The following GRHL2 variants were observed in gnomAD, a reference collection of about 807,000 sequenced individuals.
GRHL2 encodes grainyhead-like protein 2 homolog.
Under a neutral mutation model 83.8 loss-of-function variants are expected in GRHL2, and 21 were observed. The observed-to-expected ratio is 0.25, with a 90% CI of 0.18 to 0.36. GRHL2 has a LOEUF of 0.36. Ranked by LOEUF, GRHL2 falls within the 10% of genes least tolerant of loss-of-function variation. The probability of loss-of-function intolerance (pLI) is 1.00; values close to 1 mark genes in which losing one functional copy is unlikely to be tolerated. For missense variants in GRHL2, 623 were observed against 781.8 expected, an observed-to-expected ratio of 0.80 and a Z score of 2.42; for synonymous variants, 280 against 278.9, an observed-to-expected ratio of 1.00 and a Z score of -0.04.
At chr8:101,563,158 T>C (rs1443396428) in intron 4 of GRHL2, among the ~76,000 whole-genome samples, 1 of 152,172 alleles carries the variant, frequency 6.6e-6, no homozygotes, top group Non-Finnish European at 1.5e-5. Flanking sequence ...AGCATAAGTA[T>C]GCTCATGGTT....
chr8:101,618,172 G>A (rs1812892575), intron 8 of GRHL2, among the ~76,000 whole-genome samples: 1 of 152,016 alleles, frequency 6.6e-6, no homozygotes, highest in Non-Finnish European at 1.5e-5. Context: ...CCTCAATTCC[G>A]TGATAAATCA....
rs186255390 is a variant in GRHL2 at position 101,643,458 on chromosome 8, C to T, written c.1518-673C>T. On this transcript the variant is annotated intron_variant, in intron 12 of 15. Transcript: ENST00000646743. ...AGGACAGTGACTGTGGGAGGAAATG[C>T]AGAAACATCAGAACCAGCCGAGCTG... Among the ~76,000 whole-genome samples, 438 of 150,328 alleles carry T rather than the reference C, an allele frequency of 2.9e-3. 4 individuals carry two copies. The highest frequency in any genetic ancestry group is 5.3e-4 in the Non-Finnish European group (36 of 67,796).
chr8:101,535,687 C>T (rs1811030774), intron 1 of GRHL2, among the ~76,000 whole-genome samples: 1 of 152,000 alleles, frequency 6.6e-6, no homozygotes, highest in Non-Finnish European at 1.5e-5. Context: ...TACAGGCGCG[C>T]ACCACCACAC....
At chr8:101,516,415 T>C (rs1205568331) in intron 1 of GRHL2, among the ~76,000 whole-genome samples, 1 of 141,626 alleles carries the variant, frequency 7.1e-6, no homozygotes, top group African/African-American at 2.7e-5. Flanking sequence ...TTTTCCTTTT[T>C]TTTTTTTTTT....
intron 14 of GRHL2, among the ~76,000 whole-genome samples, chr8:101,650,395 A>C (rs1287271458): frequency 6.6e-6 from 1 of 152,100 alleles, no homozygotes; most frequent in African/African-American, 2.4e-5. Context: ...AATATACCAC[A>C]TTTTGTATTT....
chr8:101,573,659 C>G lies in GRHL2; in HGVS notation c.735-9C>G, dbSNP rs1275626544. The G allele has an allele frequency of 1.9e-6, 3 of 1,614,176 alleles. No individual in the cohort carries two copies. In the East Asian group the frequency reaches 6.7e-5, roughly 36 times the overall value. On this transcript the variant is annotated splice_polypyrimidine_tract_variant and intron_variant, in intron 5 of 15. Coordinates refer to ENST00000646743, the MANE Select transcript of GRHL2 (RefSeq NM_024915.4). Reference sequence around the variant, plus strand: ...AGTGGATCTGACCGCTGTTTGTTTTCTTTCACAGTGGCACATTTCAGTACA... The same window carrying G: ...AGTGGATCTGACCGCTGTTTGTTTTGTTTCACAGTGGCACATTTCAGTACA...
intron 6 of GRHL2, among the ~76,000 whole-genome samples, chr8:101,575,386 T>G (rs1170857157): frequency 6.6e-6 from 1 of 152,126 alleles, no homozygotes; most frequent in Non-Finnish European, 1.5e-5. Flanking sequence ...TGAAAATAAT[T>G]TAATAAGAAA....
At chr8:101,590,875 C>T (rs1166067453) in intron 7 of GRHL2, among the ~76,000 whole-genome samples, 3 of 152,294 alleles carry the variant, frequency 2.0e-5, no homozygotes, top group East Asian at 1.9e-4. Context: ...AGACAGAATC[C>T]GCACCTTTCA....
chr8:101,514,188 A>G (rs1055806953), intron 1 of GRHL2, among the ~76,000 whole-genome samples: 2 of 152,148 alleles, frequency 1.3e-5, no homozygotes, highest in African/African-American at 2.4e-5. Context: ...CACACAGGAC[A>G]GTTCAGTGCT....
At chr8:101,596,287 A>G (rs926444237) in intron 7 of GRHL2, among the ~76,000 whole-genome samples, 1 of 152,172 alleles carries the variant, frequency 6.6e-6, no homozygotes, top group East Asian at 1.9e-4. Context: ...TTGGAAGGAA[A>G]CATTTGGAGG....
chr8:101,514,504 C>A (rs1810529969), intron 1 of GRHL2, among the ~76,000 whole-genome samples: 1 of 152,162 alleles, frequency 6.6e-6, no homozygotes, highest in South Asian at 2.1e-4. Flanking sequence ...AGAAAGCTTC[C>A]TCAAAGCCCT....
At chr8:101,601,189 C>CACACA (rs57471873) in intron 8 of GRHL2, among the ~76,000 whole-genome samples, 1 of 149,766 alleles carries the variant, frequency 6.7e-6, no homozygotes, top group African/African-American at 2.5e-5. Context: ...CACACACACA[C>CACACA]CCCACCACCA....
In GRHL2 at chr8:101,644,051, G is replaced by A. The variant is rs565620559; in HGVS notation, c.1518-80G>A. The A allele has an allele frequency of 4.6e-5, 58 of 1,249,852 alleles. No homozygotes were observed. In the South Asian group the frequency reaches 6.7e-4, roughly 14 times the overall value. 77.4% of individuals were successfully genotyped at this position (1,249,852 alleles called of 1,614,324 possible). On this transcript the variant is annotated intron_variant, in intron 12 of 15. Transcript: ENST00000646743. ...TAGGGACGGTATAAGCAAAGGGAAA[G>A]ACAGAAACGGACACACATGTGAACG...
At chr8:101,607,065 C>G (rs1812646654) in intron 8 of GRHL2, among the ~76,000 whole-genome samples, 1 of 152,182 alleles carries the variant, frequency 6.6e-6, no homozygotes, top group Admixed American at 6.5e-5. Flanking sequence ...ATGGCAAATC[C>G]ATCAACTTGT....
At chr8:101,614,774 AG>A (rs1019764893) in intron 8 of GRHL2, among the ~76,000 whole-genome samples, 22 of 152,338 alleles carry the variant, frequency 1.4e-4, no homozygotes, top group African/African-American at 5.3e-4. Context: ...CTAAGGCTTT[AG>A]TTAATGTCTT....
chr8:101,495,768 A>C (rs1267127759), intron 1 of GRHL2, among the ~76,000 whole-genome samples: 2 of 152,216 alleles, frequency 1.3e-5, no homozygotes, highest in Non-Finnish European at 2.9e-5. Flanking sequence ...ACTGTAGTGG[A>C]AAGCAACTCA....
intron 1 of GRHL2, among the ~76,000 whole-genome samples, chr8:101,515,168 G>GTCTC (rs1810546405): frequency 3.9e-4 from 29 of 74,144 alleles, no homozygotes; most frequent in Middle Eastern, 7.8e-3. Context: ...CTCTCTCTCT[G>GTCTC]TCTCTCTGCA....
chr8:101,583,290 G>A (rs2130260947), intron 7 of GRHL2, among the ~76,000 whole-genome samples: 1 of 152,318 alleles, frequency 6.6e-6, no homozygotes, highest in South Asian at 2.1e-4. Context: ...CAATAGCCAG[G>A]TGAAAGACTG....
intron 14 of GRHL2, among the ~76,000 whole-genome samples, chr8:101,651,158 C>T (rs1813614225): frequency 6.6e-6 from 1 of 152,178 alleles, no homozygotes; most frequent in African/African-American, 2.4e-5. Flanking sequence ...AAGCTGGAAG[C>T]TCATAAGCTG....
Sources: gnomAD v4.1 joint callset for allele counts (sites outside exome capture counted in the v4.1 genomes callset) on GRCh38, gnomAD v4.1.1 for gene constraint, MANE v1.5 for transcripts, NCBI Gene and HGNC (gene_info 2026-07-23, HGNC 2026-07-21) for gene names.